ANKS1B: variants seen among roughly 807,000 people sequenced by gnomAD.
The protein encoded by ANKS1B is ankyrin repeat and sterile alpha motif domain containing 1B.
A neutral mutation model predicts 148.3 loss-of-function variants in ANKS1B; 36 were observed. The ratio of observed to expected loss-of-function variants is 0.24; its 90% confidence interval spans 0.19 to 0.32. The LOEUF is 0.32. Among genes scored for constraint, ANKS1B ranks in the 10% least tolerant of loss-of-function variants. The probability of loss-of-function intolerance (pLI) is 1.00; values close to 1 mark genes in which losing one functional copy is unlikely to be tolerated. For synonymous variants in ANKS1B, 542 were observed against 560.8 expected, an observed-to-expected ratio of 0.97 and a Z score of 0.47; for missense variants, 1,157 against 1,542.6, an observed-to-expected ratio of 0.75 and a Z score of 4.19.
chr12:99,887,989 C>T (rs1225373024), intron 1 of ANKS1B, among the ~76,000 whole-genome samples: 1 of 152,116 alleles, frequency 6.6e-6, no homozygotes, highest in Admixed American at 6.5e-5. Context: ...ACAATGGGCT[C>T]AAATAGTGAA....
intron 17 of ANKS1B, among the ~76,000 whole-genome samples, chr12:98,875,254 CCAGTATTG>C (rs1365752126): frequency 6.6e-6 from 1 of 152,160 alleles, no homozygotes; most frequent in African/African-American, 2.4e-5. Context: ...TTACCAGAGC[CCAGTATTG>C]CAGTATCACA....
chr12:99,676,072 T>G (rs756159723), intron 8 of ANKS1B, among the ~76,000 whole-genome samples: 2 of 152,152 alleles, frequency 1.3e-5, no homozygotes, highest in African/African-American at 4.8e-5. Flanking sequence ...TTTTTTGTGA[T>G]AGTGAGTGAG....
intron 22 of ANKS1B, among the ~76,000 whole-genome samples, chr12:98,785,941 G>A (rs2098790377): frequency 6.6e-6 from 1 of 152,110 alleles, no homozygotes; most frequent in Admixed American, 6.5e-5. Flanking sequence ...TTCGTTTCTA[G>A]TTGCTTTTCC....
At chr12:99,242,101 T>C (rs1027494038) in intron 14 of ANKS1B, among the ~76,000 whole-genome samples, 2 of 152,170 alleles carry the variant, frequency 1.3e-5, no homozygotes, top group Non-Finnish European at 2.9e-5. Context: ...GGAAGTCAAA[T>C]TGTCTCTGTT....
chr12:99,331,041 A>C (rs1005848834), intron 12 of ANKS1B, among the ~76,000 whole-genome samples: 5 of 151,934 alleles, frequency 3.3e-5, no homozygotes, highest in African/African-American at 1.2e-4. Context: ...GGATATTGCT[A>C]GGGGTGGGAA....
chr12:99,866,194 T>C (rs2090733668), intron 1 of ANKS1B, among the ~76,000 whole-genome samples: 1 of 152,176 alleles, frequency 6.6e-6, no homozygotes, highest in Non-Finnish European at 1.5e-5. Context: ...GTTCCTATTG[T>C]TGGCAGCCTA....
At chr12:99,828,403 A>G (rs2083470678) in intron 1 of ANKS1B, among the ~76,000 whole-genome samples, 2 of 152,156 alleles carry the variant, frequency 1.3e-5, no homozygotes, top group South Asian at 2.1e-4. Flanking sequence ...GCCTACAACC[A>G]ACAAGTCCCA....
chr12:99,680,284 T>C (rs1200389133), intron 8 of ANKS1B, among the ~76,000 whole-genome samples: 1 of 152,056 alleles, frequency 6.6e-6, no homozygotes, highest in East Asian at 1.9e-4. Flanking sequence ...CTACTAAAAA[T>C]ACAAAACCTA....
At chr12:99,615,737 T>C (rs1461224534) in intron 9 of ANKS1B, among the ~76,000 whole-genome samples, 4 of 152,028 alleles carry the variant, frequency 2.6e-5, no homozygotes, top group Non-Finnish European at 5.9e-5. Context: ...CAGCATAAGA[T>C]AAGGATTCCC....
intron 12 of ANKS1B, among the ~76,000 whole-genome samples, chr12:99,350,275 G>A (rs1430396097): frequency 1.3e-5 from 2 of 151,924 alleles, no homozygotes; most frequent in Non-Finnish European, 2.9e-5. Context: ...TATGCTTCCT[G>A]TACAGCCTGT....
intron 12 of ANKS1B, among the ~76,000 whole-genome samples, chr12:99,369,235 C>T (rs529869014): frequency 6.6e-6 from 1 of 152,296 alleles, no homozygotes; most frequent in African/African-American, 2.4e-5. Context: ...GTACCATACT[C>T]TTGCCAAATG....
intron 9 of ANKS1B, among the ~76,000 whole-genome samples, chr12:99,550,023 C>G (rs983587362): frequency 1.3e-5 from 2 of 152,214 alleles, no homozygotes; most frequent in Admixed American, 1.3e-4. Context: ...CTGGTATCCC[C>G]TTCTGCAGGT....
At chr12:99,580,135 A>T (rs192839727) in intron 9 of ANKS1B, among the ~76,000 whole-genome samples, 1 of 152,276 alleles carries the variant, frequency 6.6e-6, no homozygotes, top group Non-Finnish European at 1.5e-5. Context: ...CTTATAAGTG[A>T]CAGCTAAACA....
At chr12:99,281,368 G>T (rs959254459) in intron 12 of ANKS1B, among the ~76,000 whole-genome samples, 1 of 152,144 alleles carries the variant, frequency 6.6e-6, no homozygotes, top group Non-Finnish European at 1.5e-5. Flanking sequence ...ATACCTCTTT[G>T]CTTGTGAATT....
At chr12:99,888,082 G>A (rs1186528420) in intron 1 of ANKS1B, among the ~76,000 whole-genome samples, 1 of 152,174 alleles carries the variant, frequency 6.6e-6, no homozygotes, top group African/African-American at 2.4e-5. Flanking sequence ...GGAAGCAGAC[G>A]TAGAAAGAGA....
At chr12:99,887,859 C>T (rs1473909399) in intron 1 of ANKS1B, among the ~76,000 whole-genome samples, 3 of 152,148 alleles carry the variant, frequency 2.0e-5, no homozygotes, top group Non-Finnish European at 2.9e-5. Context: ...TTCCCAGTAC[C>T]TCGGTCTAGG....
intron 8 of ANKS1B, among the ~76,000 whole-genome samples, chr12:99,765,269 G>A (rs987259805): frequency 1.3e-5 from 2 of 152,180 alleles, no homozygotes; most frequent in African/African-American, 4.8e-5. Context: ...TGCCTAGCAT[G>A]TAGTGAAAAT....
At chr12:99,888,969 A>AACACACACACACAC (rs6144833) in intron 1 of ANKS1B, among the ~76,000 whole-genome samples, 13,687 of 147,140 alleles carry the variant, frequency 0.093, 646 homozygotes, top group Middle Eastern at 0.17. Context: ...CCTTCGCCAA[A>AACACACACACACAC]ACACACACAC....
intron 12 of ANKS1B, among the ~76,000 whole-genome samples, chr12:99,315,674 AT>A (rs953727810): frequency 2.0e-5 from 3 of 151,662 alleles, no homozygotes; most frequent in Admixed American, 6.6e-5. Context: ...CCACTATCTA[AT>A]TTTTTTTTAT....
Sources: allele counts gnomAD v4.1 joint callset (sites outside exome capture counted in the v4.1 genomes callset), GRCh38; gene constraint gnomAD v4.1.1; transcripts MANE v1.5; gene names NCBI Gene and HGNC (gene_info 2026-07-23, HGNC 2026-07-21).